ST18: variants seen among roughly 807,000 people sequenced by gnomAD.
The protein encoded by ST18 is suppression of tumorigenicity 18 protein.
ST18 carries 50 observed loss-of-function variants against 110.0 expected under a neutral mutation model. The observed-to-expected ratio is 0.45, with a 90% CI of 0.36 to 0.58. The LOEUF (loss-of-function observed/expected upper bound fraction) is 0.58. Among genes scored for constraint, ST18 ranks in the 20% least tolerant of loss-of-function variants. The pLI is 0.00. For synonymous variants in ST18, 461 were observed against 452.4 expected, an observed-to-expected ratio of 1.02 and a Z score of -0.24; for missense variants, 1,306 against 1,280.1, an observed-to-expected ratio of 1.02 and a Z score of -0.31.
intron 2 of ST18, among the ~76,000 whole-genome samples, chr8:52,300,622 G>A (rs1404009651): frequency 2.0e-5 from 3 of 152,024 alleles, no homozygotes; most frequent in African/African-American, 7.2e-5. Flanking sequence ...ATAGTTGGGG[G>A]GAAATGGAGA....
intron 8 of ST18, among the ~76,000 whole-genome samples, chr8:52,207,360 C>T (rs753724847): frequency 5.3e-5 from 8 of 152,088 alleles, no homozygotes; most frequent in East Asian, 1.9e-4. Context: ...AGTGTGGTGG[C>T]GCGTGCCTGT....
intron 8 of ST18, among the ~76,000 whole-genome samples, chr8:52,207,583 C>T (rs2080548769): frequency 6.6e-6 from 1 of 151,830 alleles, no homozygotes; most frequent in African/African-American, 2.4e-5. Context: ...CAGGAAAATG[C>T]CAAATGATAG....
chr8:52,389,012 G>A (rs1395325621), intron 2 of ST18, among the ~76,000 whole-genome samples: 1 of 151,762 alleles, frequency 6.6e-6, no homozygotes, highest in African/African-American at 2.4e-5. Context: ...TGGTGTCGGC[G>A]AGAAGGGAGA....
intron 22 of ST18, among the ~76,000 whole-genome samples, chr8:52,130,552 T>C (rs1226965223): frequency 6.6e-6 from 1 of 152,244 alleles, no homozygotes; most frequent in African/African-American, 2.4e-5. Flanking sequence ...CAGACAGATC[T>C]CCGGGTTCTC....
At chr8:52,361,684 C>T (rs1357066872) in intron 2 of ST18, among the ~76,000 whole-genome samples, 1 of 152,030 alleles carries the variant, frequency 6.6e-6, no homozygotes, top group East Asian at 1.9e-4. Context: ...TGCATCACAG[C>T]TAAACGATGC....
At chr8:52,408,084 C>A (rs1845144744) in intron 2 of ST18, among the ~76,000 whole-genome samples, 2 of 152,042 alleles carry the variant, frequency 1.3e-5, no homozygotes, top group Non-Finnish European at 2.9e-5. Context: ...GCTGTCTCAC[C>A]TAAAAAGTTT....
chr8:52,245,920 C>T (rs1417146996), intron 2 of ST18, among the ~76,000 whole-genome samples: 1 of 152,056 alleles, frequency 6.6e-6, no homozygotes, highest in African/African-American at 2.4e-5. Context: ...CCTATGGCCA[C>T]AAGATATATG....
At chr8:52,186,210 G>T (rs1340688215) in intron 8 of ST18, among the ~76,000 whole-genome samples, 1 of 152,134 alleles carries the variant, frequency 6.6e-6, no homozygotes, top group East Asian at 1.9e-4. Context: ...AATATATAAA[G>T]AATTCTTCCA....
chr8:52,327,873 C>A (rs758390387), intron 2 of ST18, among the ~76,000 whole-genome samples: 7 of 152,222 alleles, frequency 4.6e-5, no homozygotes, highest in Non-Finnish European at 1.0e-4. Context: ...ATTCAGGCTC[C>A]TGAAATGCTT....
intron 2 of ST18, among the ~76,000 whole-genome samples, chr8:52,285,923 C>T (rs1414254815): frequency 1.3e-5 from 2 of 152,170 alleles, no homozygotes; most frequent in African/African-American, 4.8e-5. Flanking sequence ...CACACTTCAC[C>T]CTAAACCATG....
chr8:52,128,355 A>G (rs1053188754), intron 22 of ST18, among the ~76,000 whole-genome samples: 8 of 152,210 alleles, frequency 5.3e-5, no homozygotes, highest in African/African-American at 1.9e-4. Flanking sequence ...TGCTTACAAT[A>G]TATTATTACT....
chr8:52,158,055 G>A (rs554544782), intron 15 of ST18, among the ~76,000 whole-genome samples: 3 of 152,240 alleles, frequency 2.0e-5, no homozygotes, highest in African/African-American at 7.2e-5. Flanking sequence ...GTAAATAGGA[G>A]TTCCTGCTCC....
intron 2 of ST18, among the ~76,000 whole-genome samples, chr8:52,364,899 C>T (rs1188692996): frequency 1.3e-5 from 2 of 152,128 alleles, no homozygotes; most frequent in African/African-American, 4.8e-5. Flanking sequence ...CACCTGAGGT[C>T]AGGAGTTCAT....
chr8:52,165,438 C>T (rs770498145), intron 11 of ST18, among the ~76,000 whole-genome samples: 2 of 152,180 alleles, frequency 1.3e-5, no homozygotes, highest in Non-Finnish European at 2.9e-5. Context: ...CTAAACTCCA[C>T]GTTGTGTTTA....
intron 2 of ST18, among the ~76,000 whole-genome samples, chr8:52,333,531 T>C (rs1268434976): frequency 6.6e-6 from 1 of 152,092 alleles, no homozygotes; most frequent in East Asian, 1.9e-4. Context: ...AACAATAAGA[T>C]TCTTGAAAGG....
rs1379801032 is a variant in ST18, at chr8:52,158,950, C to A, written c.1754G>T (p.Cys585Phe). 2.5e-6 allele frequency: 4 copies of A among 1,613,938 alleles called. No individual in the cohort carries two copies. Among genetic ancestry groups the A allele is most frequent in the Non-Finnish European group, 3.4e-6 (4 of 1,179,928 alleles). ...AAAILNLSTR[C>F]REATDILSNK... is the part of the protein sequence containing the mutation. ...GGAGAGGATGTCTGTGGCTTCCCTGCAGCGGGTGGAAAGGTTCAGGATGGC... is the reference window on the plus strand; with the variant it reads ...GGAGAGGATGTCTGTGGCTTCCCTGAAGCGGGTGGAAAGGTTCAGGATGGC... The change falls in exon 15 of 26, where the codon TGC becomes TTC. Residue 585 changes from cysteine (C) to phenylalanine (F), a missense_variant. Cys to Phe is a radical substitution (Grantham distance 205, BLOSUM62 -2). Coordinates refer to ENST00000689386, the MANE Select transcript of ST18 (RefSeq NM_001352837.2).
At chr8:52,318,771 T>C (rs2096072838) in intron 2 of ST18, among the ~76,000 whole-genome samples, 1 of 152,166 alleles carries the variant, frequency 6.6e-6, no homozygotes, top group Admixed American at 6.5e-5. Context: ...CAAGATCGTA[T>C]CCTTTGCAGG....
rs1255532661 is a variant in ST18, at chr8:52,161,413, T to C, written c.1556A>G (p.Gln519Arg). 6.2e-7 allele frequency: 1 copy of C among 1,614,198 alleles called. No individual in the cohort carries two copies. Among genetic ancestry groups the C allele is most frequent in the South Asian group, 1.1e-5 (1 of 91,088 alleles). Residue 519 changes from glutamine to arginine, a missense_variant, in exon 14 of 26, where the codon CAA (glutamine) becomes CGA (arginine). Physicochemically the swap from Gln to Arg is conservative, Grantham distance 43. Transcript: ENST00000689386. ...TGGTGTTTTTCGTCCTTGCACTGTT[T>C]GTATGAGAGGGCGTTTACCGAAAAC... ...AQVFGKRPLI[Q>R]TVQGRKTPPF...
intron 8 of ST18, among the ~76,000 whole-genome samples, chr8:52,189,604 T>A (rs887871218): frequency 6.6e-6 from 1 of 152,198 alleles, no homozygotes; most frequent in Non-Finnish European, 1.5e-5. Flanking sequence ...AAGTTCCCAA[T>A]GGTGAAGGTC....
Sources: gnomAD v4.1 joint callset for allele counts (sites outside exome capture counted in the v4.1 genomes callset) on GRCh38, gnomAD v4.1.1 for gene constraint, MANE v1.5 for transcripts, NCBI Gene and HGNC (gene_info 2026-07-23, HGNC 2026-07-21) for gene names.